The following MEGF11 variants were observed in gnomAD, a reference collection of about 807,000 sequenced individuals.
MEGF11 encodes multiple EGF like domains 11.
In MEGF11, 126 loss-of-function variants were observed where a neutral mutation model predicts 146.6. The ratio of observed to expected loss-of-function variants is 0.86; its 90% confidence interval spans 0.74 to 1.00. MEGF11 has a LOEUF of 1.00. MEGF11 is among the 50% of genes least tolerant of loss of function. The probability of loss-of-function intolerance (pLI) is 0.00; values close to 1 mark genes in which losing one functional copy is unlikely to be tolerated. For synonymous variants in MEGF11, 532 were observed against 583.4 expected, an observed-to-expected ratio of 0.91 and a Z score of 1.27; for missense variants, 1,509 against 1,521.2, an observed-to-expected ratio of 0.99 and a Z score of 0.13.
chr15:66,071,681 G>A lies in MEGF11; in HGVS notation c.394+22721C>T, dbSNP rs189284670. ...GACCTGGAGCCAGGAGACATGCAGT[G>A]CACAAAAGAGGGGAAACCTCAGTGA... On this transcript the variant is annotated intron_variant, in intron 5 of 25. Coordinates refer to ENST00000395614, the MANE Select transcript of MEGF11 (RefSeq NM_001385028.1). 2.6e-3 allele frequency among the ~76,000 whole-genome samples: 399 copies of A among 152,264 alleles called. 1 individual carries two copies. Among genetic ancestry groups the A allele is most frequent in the Admixed American group, 0.01 (157 of 15,292 alleles).
At chr15:66,228,772 C>G (rs1386018872) in intron 1 of MEGF11, among the ~76,000 whole-genome samples, 10 of 152,222 alleles carry the variant, frequency 6.6e-5, no homozygotes, top group Non-Finnish European at 1.5e-4. Context: ...GGCTGACAAG[C>G]ATGGGCTTTA....
intron 21 of MEGF11, among the ~76,000 whole-genome samples, chr15:65,910,503 C>T (rs1254771547): frequency 6.6e-6 from 1 of 152,170 alleles, no homozygotes; most frequent in African/African-American, 2.4e-5. Context: ...AGCTGCCTGC[C>T]TCTGCTGCAG....
intron 9 of MEGF11, 79 bp downstream of exon 9, chr15:65,964,829 G>A: frequency 1.5e-6 from 2 of 1,345,044 alleles, no homozygotes; most frequent in South Asian, 2.8e-5. Context: ...TAGAGGTGGG[G>A]GGCCACATCC....
At chr15:66,130,950 C>T (rs1233302899) in intron 1 of MEGF11, among the ~76,000 whole-genome samples, 5 of 152,172 alleles carry the variant, frequency 3.3e-5, no homozygotes, top group Non-Finnish European at 7.3e-5. Context: ...AGGCCAACTC[C>T]ATTTGGAGTG....
chr15:66,154,963 T>C (rs1052445676), intron 1 of MEGF11, among the ~76,000 whole-genome samples: 1 of 152,234 alleles, frequency 6.6e-6, no homozygotes, highest in Admixed American at 6.5e-5. Flanking sequence ...TCAAGCTCTC[T>C]GAGAGCCAAC....
At chr15:66,196,451 A>G (rs1487464621) in intron 1 of MEGF11, among the ~76,000 whole-genome samples, 2 of 152,164 alleles carry the variant, frequency 1.3e-5, no homozygotes, top group South Asian at 2.1e-4. Flanking sequence ...TAGCCTGGCA[A>G]CAGAGTGAGA....
At chr15:66,028,341 T>C (rs1030066913) in intron 5 of MEGF11, among the ~76,000 whole-genome samples, 2 of 152,106 alleles carry the variant, frequency 1.3e-5, no homozygotes, top group African/African-American at 4.8e-5. Flanking sequence ...AACAGGGAGG[T>C]CCTATTTTAC....
intron 5 of MEGF11, among the ~76,000 whole-genome samples, chr15:66,000,088 A>G (rs1041518275): frequency 2.0e-5 from 3 of 152,194 alleles, no homozygotes; most frequent in African/African-American, 7.2e-5. Flanking sequence ...AAGCCAGGGC[A>G]TTTATCCATC....
At chr15:66,077,381 T>C (rs543727366) in intron 5 of MEGF11, among the ~76,000 whole-genome samples, 1 of 152,372 alleles carries the variant, frequency 6.6e-6, no homozygotes, top group Admixed American at 6.5e-5. Context: ...GAAGGACCAA[T>C]TTGACTCCTG....
chr15:66,178,984 C>T (rs1024029154), intron 1 of MEGF11, among the ~76,000 whole-genome samples: 2 of 152,124 alleles, frequency 1.3e-5, no homozygotes, highest in Non-Finnish European at 2.9e-5. Context: ...ACAAAAACCC[C>T]ATAAATTCCT....
chr15:66,068,122 T>C (rs2140452440), intron 5 of MEGF11, among the ~76,000 whole-genome samples: 2 of 152,330 alleles, frequency 1.3e-5, no homozygotes, highest in East Asian at 3.9e-4. Context: ...TAATATATAG[T>C]TAGCAGTCAG....
chr15:66,179,884 C>T (rs1282626032), intron 1 of MEGF11, among the ~76,000 whole-genome samples: 1 of 145,916 alleles, frequency 6.9e-6, no homozygotes, highest in Admixed American at 7.0e-5. Context: ...CAGAGGACTG[C>T]TGGATTGCTC....
chr15:66,192,178 G>C (rs1432280445), intron 1 of MEGF11, among the ~76,000 whole-genome samples: 4 of 151,450 alleles, frequency 2.6e-5, no homozygotes, highest in Non-Finnish European at 5.9e-5. Context: ...TGCTGAAATC[G>C]TCATAATGGC....
At chr15:66,234,466 C>T (rs1324284061) in intron 1 of MEGF11, among the ~76,000 whole-genome samples, 4 of 152,234 alleles carry the variant, frequency 2.6e-5, no homozygotes, top group African/African-American at 7.2e-5. Context: ...TGTATCTATA[C>T]GCAACGCTGA....
intron 1 of MEGF11, among the ~76,000 whole-genome samples, chr15:66,220,249 C>A (rs1016578516): frequency 1.3e-5 from 2 of 151,610 alleles, no homozygotes; most frequent in African/African-American, 4.9e-5. Flanking sequence ...GAACCCCCCA[C>A]CCCCCGCCAT....
intron 1 of MEGF11, among the ~76,000 whole-genome samples, chr15:66,140,643 G>A (rs1164831711): frequency 6.6e-6 from 1 of 152,228 alleles, no homozygotes; most frequent in African/African-American, 2.4e-5. Context: ...GGAAGAACGG[G>A]AGGCAAGCCA....
At chr15:66,182,552 C>T (rs574602534) in intron 1 of MEGF11, among the ~76,000 whole-genome samples, 60 of 152,212 alleles carry the variant, frequency 3.9e-4, no homozygotes, top group African/African-American at 1.4e-3. Context: ...CTCCCTGGAG[C>T]AGCTGGTGTA....
intron 4 of MEGF11, among the ~76,000 whole-genome samples, chr15:66,098,757 C>A (rs1197031539): frequency 6.6e-6 from 1 of 152,202 alleles, no homozygotes; most frequent in African/African-American, 2.4e-5. Context: ...ACCCAAGTGC[C>A]AATTCTGAGG....
chr15:65,982,613 AG>A lies in MEGF11; in HGVS notation c.395-126del. On this transcript the variant is annotated intron_variant, in intron 5 of 25. Transcript: ENST00000395614. This position sits in a 1 kb window ranked among gnomAD's most constrained non-coding sequence, Gnocchi z 5.6. The stretch of plus-strand genomic sequence containing the variant: ...GCTGCTCCCCGGACAGGTGGCAGCA[AG>A]GGGTGCCTGGAAGCTTTGGTGCCTC... The A allele has an allele frequency of 8.4e-7, 1 of 1,193,576 alleles. No individual in the cohort carries two copies. Among genetic ancestry groups the A allele is most frequent in the Non-Finnish European group, 1.1e-6 (1 of 901,078 alleles). The allele number at this position is 1,193,576 out of a possible 1,614,324, so 73.9% of individuals were successfully genotyped here. A position where few individuals can be genotyped will look rare whatever the true frequency, so the allele number is the denominator to read the frequency against.
Sources: gnomAD v4.1 joint callset for allele counts (sites outside exome capture counted in the v4.1 genomes callset) on GRCh38, gnomAD v4.1.1 for gene constraint, Gnocchi (gnomAD v3.1) non-coding constraint, MANE v1.5 for transcripts, NCBI Gene and HGNC (gene_info 2026-07-23, HGNC 2026-07-21) for gene names.